Variants in PCLO observed in about 807,000 individuals in gnomAD.
PCLO encodes protein piccolo.
In PCLO, 82 loss-of-function variants were observed where a neutral mutation model predicts 427.5. The ratio of observed to expected loss-of-function variants is 0.19; its 90% CI spans 0.16 to 0.23. The LOEUF (loss-of-function observed/expected upper bound fraction) is 0.23. Among genes scored for constraint, PCLO ranks in the 10% least tolerant of loss-of-function variants. The pLI is 1.00. For missense variants in PCLO, 6,239 were observed against 6,115.9 expected (o/e 1.02, Z -0.67); for synonymous variants, 2,357 against 2,155.4 (o/e 1.09, Z -2.59).
chr7:82,963,232 T>C, intron 4 of PCLO, among the ~76,000 whole-genome samples: 1 of 152,100 alleles, frequency 6.6e-6, no homozygotes, highest in East Asian at 1.9e-4. Flanking sequence ...AAAGTTATCA[T>C]GTCTGCTTAT....
intron 3 of PCLO, among the ~76,000 whole-genome samples, chr7:82,978,839 C>T (rs1270633640): frequency 9.1e-6 from 1 of 109,694 alleles, no homozygotes; most frequent in African/African-American, 3.5e-5. Context: ...ACAAGAAACA[C>T]ACACACACAC....
In PCLO at chr7:83,030,070, T is replaced by C. The variant is rs1195503498; in HGVS notation, c.3301-63583A>G. ...GGCACATGTATACATATGTAACTAA[T>C]CCGCACAATGTGCACATGTACCCTA... On this transcript the variant is annotated intron_variant, in intron 3 of 24. Coordinates refer to ENST00000333891, the MANE Select transcript of PCLO (RefSeq NM_033026.6). Among the ~76,000 whole-genome samples the C allele has an allele frequency of 1.2e-4, 16 of 138,142 alleles. No individual in the cohort carries two copies. The Admixed American group carries it at 1.2e-3, about 11-fold the overall frequency. The allele number at this position is 138,142 out of a possible 152,430, so 90.6% of individuals were successfully genotyped here.
chr7:82,902,708 T>A lies in PCLO; in HGVS notation c.13471A>T (p.Ile4491Phe), dbSNP rs1363268255. 4 of 1,601,956 alleles carry A rather than the reference T, an allele frequency of 2.5e-6. No individual in the cohort carries two copies. The highest frequency in any genetic ancestry group is 3.4e-6 in the Non-Finnish European group (4 of 1,170,002). Reference sequence around the variant, plus strand: ...ATTTTTATCCTTGCGTGAGGAAAGATGTAGTGCATAGTTTTCCCGTTCATC... The same window carrying A: ...ATTTTTATCCTTGCGTGAGGAAAGAAGTAGTGCATAGTTTTCCCGTTCATC... ...IQMNGKTMHY[I>F]FPHARIKITR... The change falls in exon 9 of 25, where the codon ATC becomes TTC. Residue 4491 changes from isoleucine (I) to phenylalanine (F), a missense_variant. Ile to Phe is a conservative substitution (Grantham distance 21). Transcript: ENST00000333891.
intron 3 of PCLO, among the ~76,000 whole-genome samples, chr7:83,095,528 T>A (rs1790511722): frequency 6.6e-6 from 1 of 151,968 alleles, no homozygotes; most frequent in African/African-American, 2.4e-5. Context: ...AGATTATTAA[T>A]CTGAGACGTT....
intron 3 of PCLO, among the ~76,000 whole-genome samples, chr7:83,096,796 A>T (rs1444207544): frequency 2.0e-5 from 2 of 102,460 alleles, no homozygotes; most frequent in African/African-American, 7.8e-5. Flanking sequence ...TATATATAAA[A>T]ATATATTAAT....
chr7:83,109,550 C>T (rs555569082), intron 3 of PCLO, among the ~76,000 whole-genome samples: 236 of 152,256 alleles, frequency 1.6e-3, no homozygotes, highest in Non-Finnish European at 2.9e-3. Context: ...CGTATCAGCT[C>T]CAATGACAGT....
intron 18 of PCLO, among the ~76,000 whole-genome samples, chr7:82,825,493 CATTATCACCTTG>C: frequency 6.6e-6 from 1 of 151,994 alleles, no homozygotes; most frequent in East Asian, 1.9e-4. Flanking sequence ...AACAAGTCCT[CATTATCACCTTG>C]ATTACACAAA....
At position 82,906,572 on chromosome 7, in the gene PCLO, C is replaced by T. The variant is rs532658390; in HGVS notation, c.13437+2305G>A. Among the ~76,000 whole-genome samples the T allele has an allele frequency of 2.6e-4, 40 of 152,080 alleles. 1 individual carries two copies. The South Asian group carries it at 8.3e-3, about 32-fold the overall frequency. On this transcript the variant is annotated intron_variant, in intron 8 of 24. Coordinates refer to ENST00000333891, the MANE Select transcript of PCLO (RefSeq NM_033026.6). Reference sequence around the variant, plus strand: ...AAATAAATGTATGTTATAGTAGAATCTATTTAGAAAAAATGATAAAGAAAA... The same window carrying T: ...AAATAAATGTATGTTATAGTAGAATTTATTTAGAAAAAATGATAAAGAAAA...
At chr7:82,792,581 G>A (rs1791127091) in intron 22 of PCLO, among the ~76,000 whole-genome samples, 1 of 151,924 alleles carries the variant, frequency 6.6e-6, no homozygotes, top group Non-Finnish European at 1.5e-5. Flanking sequence ...GCCCACTCCA[G>A]CCTCCCAAAG....
rs1009830983 is a variant in PCLO at position 82,871,172 on chromosome 7, G to A, written c.13654+8165C>T. ...TACCTGCACTCCCATGTCTATTACA[G>A]CACTATTCAAAATAGCCAAGAGATG... On this transcript the variant is annotated intron_variant, in intron 10 of 24. Transcript: ENST00000333891. 3.3e-5 allele frequency among the ~76,000 whole-genome samples: 5 copies of A among 152,028 alleles called. 1 individual carries two copies. The highest frequency in any genetic ancestry group is 1.2e-4 in the African/African-American group (5 of 41,542).
intron 3 of PCLO, among the ~76,000 whole-genome samples, chr7:83,003,025 G>A (rs1263622810): frequency 1.3e-5 from 2 of 150,934 alleles, no homozygotes; most frequent in Admixed American, 6.6e-5. Context: ...TACCTTAATG[G>A]AAATATATCT....
At chr7:82,788,824 G>A (rs987882141) in intron 22 of PCLO, among the ~76,000 whole-genome samples, 13 of 151,130 alleles carry the variant, frequency 8.6e-5, no homozygotes, top group African/African-American at 3.2e-4. Context: ...ACGTCTCCAT[G>A]TTATCATGTT....
At chr7:83,071,927 G>A (rs937242594) in intron 3 of PCLO, among the ~76,000 whole-genome samples, 1 of 152,038 alleles carries the variant, frequency 6.6e-6, no homozygotes, top group African/African-American at 2.4e-5. Flanking sequence ...TGTAGGAGGA[G>A]AGCTATAAAA....
chr7:83,072,076 G>A (rs1173303347), intron 3 of PCLO, among the ~76,000 whole-genome samples: 1 of 151,858 alleles, frequency 6.6e-6, no homozygotes, highest in South Asian at 2.1e-4. Flanking sequence ...AATGTAAATT[G>A]AAGAAACATT....
intron 3 of PCLO, among the ~76,000 whole-genome samples, chr7:83,111,562 A>C (rs983881528): frequency 6.6e-6 from 1 of 152,190 alleles, no homozygotes; most frequent in Admixed American, 6.5e-5. Flanking sequence ...CCAAGAACTA[A>C]GTGGTTCCCA....
chr7:82,938,701 C>T (rs995873457), intron 6 of PCLO, among the ~76,000 whole-genome samples: 28 of 152,034 alleles, frequency 1.8e-4, no homozygotes, highest in Non-Finnish European at 3.5e-4. Flanking sequence ...AAATGAATAT[C>T]AATAGCTCTT....
intron 22 of PCLO, among the ~76,000 whole-genome samples, chr7:82,765,808 GA>G (rs1325237253): frequency 6.6e-6 from 1 of 151,810 alleles, no homozygotes; most frequent in Non-Finnish European, 1.5e-5. Context: ...AGCTTCACAG[GA>G]AAATAAAGGA....
At chr7:82,828,448 T>G (rs1792007576) in intron 16 of PCLO, among the ~76,000 whole-genome samples, 1 of 152,162 alleles carries the variant, frequency 6.6e-6, no homozygotes, top group Non-Finnish European at 1.5e-5. Flanking sequence ...GTTACTGATA[T>G]CTAAAGTATA....
chr7:83,113,238 A>G (rs1024181828), intron 3 of PCLO, among the ~76,000 whole-genome samples: 2 of 152,216 alleles, frequency 1.3e-5, no homozygotes, highest in African/African-American at 4.8e-5. Flanking sequence ...CAAGATGGCT[A>G]TGAAGCTATT....
Sources: allele counts gnomAD v4.1 joint callset (sites outside exome capture counted in the v4.1 genomes callset), GRCh38; gene constraint gnomAD v4.1.1; transcripts MANE v1.5; gene names NCBI Gene and HGNC (gene_info 2026-07-23, HGNC 2026-07-21).